CDKL1: variants seen among roughly 807,000 people sequenced by gnomAD.
The protein encoded by CDKL1 is cyclin dependent kinase like 1.
In CDKL1, 41 loss-of-function variants were observed where a neutral mutation model predicts 42.0. The observed-to-expected ratio is 0.98, with a 90% CI of 0.76 to 1.27. CDKL1 has a LOEUF of 1.27. Ranked by LOEUF, CDKL1 falls within the 50% of genes most tolerant of loss-of-function variation. The probability of loss-of-function intolerance (pLI) is 0.00; values close to 1 mark genes in which losing one functional copy is unlikely to be tolerated. For missense variants in CDKL1, 394 were observed against 428.4 expected (o/e 0.92, Z 0.71); for synonymous variants, 153 against 158.6 (o/e 0.96, Z 0.26).
chr14:50,376,668 G>T (rs2034740400), intron 2 of CDKL1, among the ~76,000 whole-genome samples: 1 of 152,034 alleles, frequency 6.6e-6, no homozygotes, highest in Non-Finnish European at 1.5e-5. Context: ...AAAATAGGAA[G>T]TACATGAAAA....
intron 2 of CDKL1, among the ~76,000 whole-genome samples, chr14:50,365,346 C>T (rs200395295): frequency 1.3e-5 from 2 of 152,128 alleles, no homozygotes; most frequent in East Asian, 3.8e-4. Context: ...CCATCTTCCT[C>T]CATGAGATGA....
At position 50,339,167 on chromosome 14, in the gene CDKL1, A is replaced by G; in HGVS notation, c.656-138T>C. 6.1e-6 allele frequency: 4 copies of G among 658,346 alleles called. No homozygotes were observed. In the South Asian group the frequency reaches 6.2e-5, roughly 10 times the overall value. The allele number at this position is 658,346 out of a possible 1,614,324, so 40.8% of individuals were successfully genotyped here. A position where few individuals can be genotyped will look rare whatever the true frequency, so the allele number is the denominator to read the frequency against. Reference sequence around the variant, plus strand: ...TTCTTGGGCAATCAGAAGGAGAGGCATTCAGGCAACCCACAGCAACCTGTA... The same window carrying G: ...TTCTTGGGCAATCAGAAGGAGAGGCGTTCAGGCAACCCACAGCAACCTGTA... On this transcript the variant is annotated intron_variant, in intron 6 of 9. Coordinates refer to ENST00000395834, the MANE Select transcript of CDKL1 (RefSeq NM_004196.7).
chr14:50,365,433 C>A (rs993278324), intron 2 of CDKL1, among the ~76,000 whole-genome samples: 2 of 152,066 alleles, frequency 1.3e-5, no homozygotes, highest in Admixed American at 1.3e-4. Context: ...GAAAGATGAT[C>A]ATTAATACTA....
At chr14:50,378,557 A>ACT in intron 2 of CDKL1, 1 of 744,182 alleles carries the variant, frequency 1.3e-6, no homozygotes, top group Non-Finnish European at 1.9e-6. Context: ...TTATAGAGAC[A>ACT]GGGTCATAAT....
intron 2 of CDKL1, chr14:50,377,623 A>G (rs1463337086): frequency 7.5e-7 from 1 of 1,341,264 alleles, no homozygotes; most frequent in Non-Finnish European, 9.9e-7. Context: ...CAAGGACCCC[A>G]CTGCTGATGA....
chr14:50,392,531 C>T (rs1037281989), intron 2 of CDKL1, among the ~76,000 whole-genome samples: 82 of 151,634 alleles, frequency 5.4e-4, no homozygotes, highest in African/African-American at 1.5e-3. Flanking sequence ...CCATGCAGAT[C>T]GCCTCTTCTT....
At chr14:50,378,853 T>C (rs1382401786) in intron 2 of CDKL1, among the ~76,000 whole-genome samples, 1 of 150,078 alleles carries the variant, frequency 6.7e-6, no homozygotes, top group East Asian at 1.9e-4. Flanking sequence ...GTCAAGACAA[T>C]CTTTTTTTTT....
Position 50,330,051 on chromosome 14 carries a change from T to A in CDKL1, c.*23A>T. ...TCAAAGCATCTATTGATTCCTTTTT[T>A]AAAATCATGTCTCCTAGCTCCTTTA... On this transcript the variant is annotated 3_prime_UTR_variant, in exon 10 of 10. Coordinates refer to ENST00000395834, the MANE Select transcript of CDKL1 (RefSeq NM_004196.7). The A allele has an allele frequency of 6.2e-7, 1 of 1,602,012 alleles. No homozygotes were observed. Among genetic ancestry groups the A allele is most frequent in the Non-Finnish European group, 8.5e-7 (1 of 1,177,336 alleles).
intron 6 of CDKL1, 56 bp downstream of exon 6, chr14:50,340,975 GC>G (rs2033494287): frequency 7.6e-6 from 12 of 1,583,828 alleles, no homozygotes; most frequent in Non-Finnish European, 9.4e-6. Context: ...GCTCTGCCCT[GC>G]CCCAACCTGG....
chr14:50,387,498 G>C (rs2035121992), intron 2 of CDKL1, among the ~76,000 whole-genome samples: 1 of 149,448 alleles, frequency 6.7e-6, no homozygotes, highest in Non-Finnish European at 1.5e-5. Flanking sequence ...ACTCCAGCCT[G>C]GGTGACAAGA....
chr14:50,396,529 C>A (rs2035412570), intron 1 of CDKL1, among the ~76,000 whole-genome samples, 200 bp from the exon 2 acceptor site: 1 of 152,218 alleles, frequency 6.6e-6, no homozygotes, highest in Non-Finnish European at 1.5e-5. Flanking sequence ...TTAACGTTAT[C>A]GTTCATCCGA....
chr14:50,396,456 C>T, intron 1 of CDKL1, 127 bp from the exon 2 acceptor site: 2 of 984,964 alleles, frequency 2.0e-6, no homozygotes, highest in Non-Finnish European at 2.4e-6. Flanking sequence ...CGTTAAATAC[C>T]CTGTAAGTTA....
chr14:50,390,267 C>T (rs774777363), intron 2 of CDKL1: 14 of 1,366,232 alleles, frequency 1.0e-5, no homozygotes, highest in African/African-American at 8.9e-5. Context: ...TTTTAACGCC[C>T]CCATACCACC....
rs551395155 is a variant in CDKL1, at chr14:50,335,760, C to G, written c.739-1139G>C. 8 of 985,328 alleles carry G rather than the reference C, an allele frequency of 8.1e-6. No homozygotes were observed. In the African/African-American group the frequency reaches 1.4e-4, roughly 17 times the overall value. 61.0% of individuals were successfully genotyped at this position (985,328 alleles called of 1,614,324 possible). A position where few individuals can be genotyped will look rare whatever the true frequency, so the allele number is the denominator to read the frequency against. The stretch of plus-strand genomic sequence containing the variant: ...GACTGGAGTGACTGGCCAGGCTCAT[C>G]TAATCAAACAGTCCTGGTGCTGTGG... On this transcript the variant is annotated intron_variant, in intron 7 of 9. Coordinates refer to ENST00000395834, the MANE Select transcript of CDKL1 (RefSeq NM_004196.7).
intron 3 of CDKL1, among the ~76,000 whole-genome samples, chr14:50,352,057 C>T (rs1035735993): frequency 1.3e-5 from 2 of 152,192 alleles, no homozygotes; most frequent in Non-Finnish European, 2.9e-5. Context: ...TTTTACATTA[C>T]ATTATACTGC....
chr14:50,369,221 G>C (rs1029182185), intron 2 of CDKL1, among the ~76,000 whole-genome samples: 4 of 152,096 alleles, frequency 2.6e-5, no homozygotes, highest in African/African-American at 9.7e-5. Flanking sequence ...AGAGTCTCTT[G>C]CAAATGCTGG....
At chr14:50,350,549 A>T (rs2033871449) in intron 3 of CDKL1, among the ~76,000 whole-genome samples, 1 of 152,170 alleles carries the variant, frequency 6.6e-6, no homozygotes, top group Non-Finnish European at 1.5e-5. Flanking sequence ...TAGACGAGCC[A>T]TATATATCCC....
intron 2 of CDKL1, among the ~76,000 whole-genome samples, chr14:50,365,247 ATT>A (rs1390982432): frequency 6.6e-6 from 1 of 152,164 alleles, no homozygotes; most frequent in Non-Finnish European, 1.5e-5. Flanking sequence ...CCTATAGACA[ATT>A]TAAGGCTTGT....
intron 2 of CDKL1, chr14:50,362,906 A>T (rs576241702): frequency 2.2e-6 from 1 of 446,544 alleles, no homozygotes; most frequent in South Asian, 1.6e-5. Context: ...CACCATTCAC[A>T]CTGTGGAAGC....
Sources: allele counts gnomAD v4.1 joint callset (sites outside exome capture counted in the v4.1 genomes callset), GRCh38; gene constraint gnomAD v4.1.1; transcripts MANE v1.5; gene names NCBI Gene and HGNC (gene_info 2026-07-23, HGNC 2026-07-21).